The following WDR5 variants were observed in gnomAD, a reference collection of about 807,000 sequenced individuals.
WDR5 encodes the protein WD repeat domain 5.
For synonymous variants in WDR5, 144 were observed against 161.6 expected, an observed-to-expected ratio of 0.89 and a Z score of 0.83; for missense variants, 187 against 416.9, an observed-to-expected ratio of 0.45 and a Z score of 4.80.
At chr9:134,145,096 GTTTTTTTTT>G (rs56864188) in intron 7 of WDR5, among the ~76,000 whole-genome samples, 6,952 of 104,784 alleles carry the variant, frequency 0.066, 531 homozygotes, top group African/African-American at 0.18. Context: ...GTGGGGCTTT[GTTTTTTTTT>G]TTTTTTTTTT....
intron 3 of WDR5, 102 bp downstream of exon 3, chr9:134,140,913 A>T: frequency 1.8e-6 from 2 of 1,131,010 alleles, no homozygotes; most frequent in Non-Finnish European, 2.7e-6. Flanking sequence ...CGCTGGGGAG[A>T]CGTAGCAGGC....
intron 1 of WDR5, among the ~76,000 whole-genome samples, chr9:134,139,186 G>A (rs1256157678): frequency 6.6e-6 from 1 of 152,194 alleles, no homozygotes. Flanking sequence ...CCTCTGGCTT[G>A]CTCTCATCTC....
intron 7 of WDR5, among the ~76,000 whole-genome samples, chr9:134,147,294 C>A (rs34350861): frequency 6.6e-6 from 1 of 152,106 alleles, no homozygotes; most frequent in African/African-American, 2.4e-5. Context: ...GGGACCTGTT[C>A]GAAATTTATG....
In WDR5 at chr9:134,155,817, C is replaced by T. The variant is rs79440069; in HGVS notation, c.816+50C>T. 5.6e-3 allele frequency: 8,630 copies of T among 1,553,978 alleles called. 362 individuals carry two copies. In the East Asian group the frequency reaches 0.087, roughly 16 times the overall value. ...CTCACCTGTTCCCAGCTTACTCTCC[C>T]GAGAGGTCACACCTGTTACAGGTTG... On this transcript the variant is annotated intron_variant, in intron 12 of 13. Coordinates refer to ENST00000358625, the MANE Select transcript of WDR5 (RefSeq NM_017588.3).
In WDR5 at chr9:134,157,164, G is replaced by C. The variant is rs183351574; in HGVS notation, c.904+571G>C. The stretch of plus-strand genomic sequence containing the variant: ...TGGAGCCAACGAGAGCAGGGGGTTC[G>C]AGCCCTTGTGGAAATCTGGGGAGGC... On this transcript the variant is annotated intron_variant, in intron 13 of 13. Transcript: ENST00000358625. The surrounding 1 kb of genome is among the most constrained non-coding windows in gnomAD (Gnocchi z 5.0). Among the ~76,000 whole-genome samples the C allele has an allele frequency of 6.6e-6, 1 of 152,100 alleles. No individual in the cohort carries two copies. Among genetic ancestry groups the C allele is most frequent in the Admixed American group, 6.5e-5 (1 of 15,278 alleles).
At chr9:134,148,411 C>T (rs774741355) in intron 8 of WDR5, 68 bp downstream of exon 8, 1 of 1,409,012 alleles carries the variant, frequency 7.1e-7, no homozygotes, top group Admixed American at 1.8e-5. Context: ...TGCACTGTTC[C>T]TGCATCTGGG....
Position 134,148,613 on chromosome 9 carries a change from G to A in WDR5, c.584+270G>A, listed in dbSNP as rs117813417. 5.7e-3 allele frequency among the ~76,000 whole-genome samples: 869 copies of A among 152,258 alleles called. 15 individuals carry two copies. Among genetic ancestry groups the A allele is most frequent in the East Asian group, 0.012 (62 of 5,168 alleles). On this transcript the variant is annotated intron_variant, in intron 8 of 13. Transcript: ENST00000358625. ...GCCTCCTCCATCAGACTTCAGCTCC[G>A]TGTAGACGCTGACGTGTGCTGTTCA... is the stretch of plus-strand genomic sequence containing the variant.
intron 8 of WDR5, among the ~76,000 whole-genome samples, chr9:134,151,331 G>A (rs376546591): frequency 5.9e-5 from 9 of 152,262 alleles, no homozygotes; most frequent in African/African-American, 9.6e-5. Flanking sequence ...GGGAGGGACC[G>A]TGCATGGCGG....
In WDR5 at chr9:134,154,548, A is replaced by G; in HGVS notation, c.707+7A>G. The G allele has an allele frequency of 6.2e-7, 1 of 1,613,942 alleles. No homozygotes were observed. The highest frequency in any genetic ancestry group is 8.5e-7 in the Non-Finnish European group (1 of 1,179,858). ...TGGCCGCCACGCTGGACAAGTGAGT[A>G]CTGCGTGGGACTGTGGGGGCGGGCA... On this transcript the variant is annotated splice_region_variant and intron_variant, in intron 10 of 13. Coordinates refer to ENST00000358625, the MANE Select transcript of WDR5 (RefSeq NM_017588.3).
intron 1 of WDR5, among the ~76,000 whole-genome samples, chr9:134,137,408 C>CG (rs1173717344): frequency 1.3e-5 from 2 of 152,044 alleles, no homozygotes; most frequent in African/African-American, 4.8e-5. Flanking sequence ...CTTGGCCCGG[C>CG]GCGGTGGCTC....
chr9:134,157,003 G>C lies in WDR5; in HGVS notation c.904+410G>C, dbSNP rs1423005621. 1.3e-5 allele frequency among the ~76,000 whole-genome samples: 2 copies of C among 152,206 alleles called. No individual in the cohort carries two copies. The highest frequency in any genetic ancestry group is 2.9e-5 in the Non-Finnish European group (2 of 68,030). Reference sequence around the variant, plus strand: ...TTCCCTCTCCCAGAGAGACCCCCCAGCTGCATGCAGGCCTAGTGGGCTCCA... The same window carrying C: ...TTCCCTCTCCCAGAGAGACCCCCCACCTGCATGCAGGCCTAGTGGGCTCCA... On this transcript the variant is annotated intron_variant, in intron 13 of 13. Transcript: ENST00000358625. The surrounding 1 kb of genome is among the most constrained non-coding windows in gnomAD (Gnocchi z 5.0).
rs952661028 is a variant in WDR5 at position 134,141,373 on chromosome 9, C to T, written c.191-137C>T. On this transcript the variant is annotated intron_variant, in intron 3 of 13. Transcript: ENST00000358625. ...GGACTGGTCCTCTCAGGCATGTGGC[C>T]GTGCTGAATGGGTTCTGAGCCATGT... 21 of 737,232 alleles carry T rather than the reference C, an allele frequency of 2.8e-5. No homozygotes were observed. The Middle Eastern group carries it at 1.2e-3, about 41-fold the overall frequency. The allele number at this position is 737,232 out of a possible 1,614,324, so 45.7% of individuals were successfully genotyped here.
At chr9:134,137,777 G>T (rs531628504) in intron 1 of WDR5, among the ~76,000 whole-genome samples, 3 of 152,048 alleles carry the variant, frequency 2.0e-5, no homozygotes, top group African/African-American at 4.8e-5. Flanking sequence ...ACCCCCCGAC[G>T]GAGTTTCACT....
rs1001570522 is a variant in WDR5, at chr9:134,145,099, T to TTTTG, written c.528+2383_528+2384insGTTT. ...GCAGAGAGGTTTGTGGGGCTTTGTT[T>TTTTG]TTTTTTTTTTTTTTTTTGAAACAGA... On this transcript the variant is annotated intron_variant, in intron 7 of 13. Transcript: ENST00000358625. 6.1e-3 allele frequency among the ~76,000 whole-genome samples: 685 copies of TTTTG among 112,908 alleles called. 18 individuals are homozygous for TTTTG. The highest frequency in any genetic ancestry group is 0.028 in the African/African-American group (635 of 22,412). 74.1% of individuals were successfully genotyped at this position (112,908 alleles called of 152,430 possible).
At chr9:134,155,535 G>A (rs1779334168) in intron 11 of WDR5, among the ~76,000 whole-genome samples, 158 bp from the exon 12 acceptor site, 1 of 152,206 alleles carries the variant, frequency 6.6e-6, no homozygotes, top group South Asian at 2.1e-4. Flanking sequence ...TTTGTAGGGT[G>A]GCAGTCTGCA....
chr9:134,155,309 A>G (rs28620999), intron 10 of WDR5, 31 bp from the exon 11 acceptor site: 225,165 of 1,570,152 alleles, frequency 0.14, 18,293 homozygotes, highest in African/African-American at 0.32. Context: ...GCCTCCAGAC[A>G]TGCCGCCTCA....
rs115594687 is a variant in WDR5, at chr9:134,155,537, C to T, written c.742-156C>T. On this transcript the variant is annotated intron_variant, in intron 11 of 13. Transcript: ENST00000358625. ...AAAGACCTGGGTATTTGTAGGGTGG[C>T]AGTCTGCAAGTTAAATCTTCGATTG... Among the ~76,000 whole-genome samples, 372 of 152,320 alleles carry T rather than the reference C, an allele frequency of 2.4e-3. 4 individuals carry two copies. The highest frequency in any genetic ancestry group is 8.6e-3 in the African/African-American group (359 of 41,570).
In WDR5 at chr9:134,141,987, T is replaced by C. The variant is rs1451547159; in HGVS notation, c.303T>C (p.Leu101=). The change falls in exon 5 of 14, where the codon CTT becomes CTC. Residue 101 remains leucine, a synonymous_variant. Coordinates refer to ENST00000358625, the MANE Select transcript of WDR5 (RefSeq NM_017588.3). The part of the protein sequence containing the change: ...SDVAWSSDSN[L]LVSASDDKTL... ...TAGCCTGGTCGTCAGATTCTAACCT[T>C]CTTGTTTCTGCCTCAGATGACAAAA... 2.5e-6 allele frequency: 4 copies of C among 1,614,078 alleles called. No individual in the cohort carries two copies. Among genetic ancestry groups the C allele is most frequent in the Middle Eastern group, 1.6e-4 (1 of 6,084 alleles).
intron 12 of WDR5, 102 bp from the exon 13 acceptor site, chr9:134,156,404 G>C: frequency 8.4e-7 from 1 of 1,187,104 alleles, no homozygotes; most frequent in Non-Finnish European, 1.2e-6. Context: ...CACCAGCAGG[G>C]TGGGCGTGGG....
Sources: gnomAD v4.1 joint callset for allele counts (sites outside exome capture counted in the v4.1 genomes callset) on GRCh38, gnomAD v4.1.1 for gene constraint, Gnocchi (gnomAD v3.1) non-coding constraint, MANE v1.5 for transcripts, NCBI Gene and HGNC (gene_info 2026-07-23, HGNC 2026-07-21) for gene names.